COL21A1: variants seen among roughly 807,000 people sequenced by gnomAD.
The protein encoded by COL21A1 is collagen type XXI alpha 1 chain, also known as collagen alpha-1(XXI) chain.
A neutral mutation model predicts 137.9 loss-of-function variants in COL21A1; 149 were observed. The observed-to-expected ratio is 1.08, with a 90% CI of 0.95 to 1.24. The LOEUF is 1.24. Among genes scored for constraint, COL21A1 ranks in the 50% most tolerant of loss-of-function variants. The pLI is 0.00. For missense variants in COL21A1, 1,167 were observed against 1,158.4 expected, an observed-to-expected ratio of 1.01 and a Z score of -0.11; for synonymous variants, 456 against 391.5, an observed-to-expected ratio of 1.16 and a Z score of -1.95.
intron 16 of COL21A1, among the ~76,000 whole-genome samples, chr6:56,108,483 A>G (rs1416854910): frequency 6.6e-6 from 1 of 152,006 alleles, no homozygotes; most frequent in Non-Finnish European, 1.5e-5. Flanking sequence ...GGTAAAATTC[A>G]AGTGAAAAAT....
chr6:56,160,181 A>T (rs1295168463), intron 9 of COL21A1, among the ~76,000 whole-genome samples: 2 of 152,246 alleles, frequency 1.3e-5, no homozygotes, highest in African/African-American at 2.4e-5. Context: ...CTGGAGAGAA[A>T]GCCAATTTTA....
intron 16 of COL21A1, among the ~76,000 whole-genome samples, chr6:56,121,514 A>ATATTCATATGTG (rs1561886819): frequency 1.4e-5 from 2 of 142,134 alleles, no homozygotes; most frequent in African/African-American, 2.6e-5. Flanking sequence ...TCATATGTGT[A>ATATTCATATGTG]TATATATATA....
chr6:56,353,132 G>A lies in COL21A1; in HGVS notation c.-39+40839C>T, dbSNP rs186116221. ...AATTATTTGGAATTTATCCCATCAT[G>A]AAGTGGAGTTCAATTTTGCTCCCTA... On this transcript the variant is annotated intron_variant, in intron 1 of 28. Transcript: ENST00000370819. Among the ~76,000 whole-genome samples the A allele has an allele frequency of 2.0e-5, 3 of 152,320 alleles. No homozygotes were observed. In the East Asian group the frequency reaches 5.8e-4, roughly 29 times the overall value.
intron 1 of COL21A1, among the ~76,000 whole-genome samples, chr6:56,275,968 A>G (rs1021230599): frequency 1.3e-5 from 2 of 152,248 alleles, no homozygotes; most frequent in Non-Finnish European, 2.9e-5. Flanking sequence ...ACATGGAATC[A>G]ATCTAGTGCC....
chr6:56,379,606 C>T (rs2094005445), intron 1 of COL21A1, among the ~76,000 whole-genome samples: 1 of 152,148 alleles, frequency 6.6e-6, no homozygotes, highest in African/African-American at 2.4e-5. Flanking sequence ...TGCCTAGAAA[C>T]ATATGTACAT....
At chr6:56,312,847 C>T (rs1169962654) in intron 1 of COL21A1, among the ~76,000 whole-genome samples, 1 of 151,734 alleles carries the variant, frequency 6.6e-6, no homozygotes, top group Non-Finnish European at 1.5e-5. Flanking sequence ...GAAATGGTGC[C>T]CTTGAGGGGA....
intron 12 of COL21A1, among the ~76,000 whole-genome samples, chr6:56,137,685 AT>A (rs1245868502): frequency 2.0e-5 from 3 of 152,332 alleles, no homozygotes; most frequent in Middle Eastern, 6.8e-3. Flanking sequence ...AATATAAAGC[AT>A]TCTAAAAAAT....
At chr6:56,119,037 T>A (rs1220826628) in intron 16 of COL21A1, among the ~76,000 whole-genome samples, 1 of 152,064 alleles carries the variant, frequency 6.6e-6, no homozygotes, top group Non-Finnish European at 1.5e-5. Flanking sequence ...GGGTGTCCAC[T>A]GTCACCACTC....
intron 1 of COL21A1, among the ~76,000 whole-genome samples, chr6:56,253,455 T>A (rs1446281382): frequency 2.0e-5 from 3 of 152,180 alleles, no homozygotes; most frequent in Non-Finnish European, 4.4e-5. Context: ...CCAAGTACCA[T>A]GTAAGCCTAG....
At chr6:56,095,321 G>GTCA (rs1769218648) in intron 17 of COL21A1, among the ~76,000 whole-genome samples, 2 of 152,058 alleles carry the variant, frequency 1.3e-5, no homozygotes, top group Non-Finnish European at 2.9e-5. Context: ...CTTTTGAAGA[G>GTCA]TCATCTCTTA....
intron 1 of COL21A1, among the ~76,000 whole-genome samples, chr6:56,343,882 G>A (rs1037503032): frequency 1.3e-5 from 2 of 152,190 alleles, no homozygotes; most frequent in Admixed American, 6.5e-5. Context: ...GGAGGTCAAG[G>A]CTGTAGTGAG....
intron 5 of COL21A1, 94 bp downstream of exon 5, chr6:56,170,555 T>A: frequency 9.0e-6 from 7 of 775,218 alleles, no homozygotes; most frequent in Non-Finnish European, 1.4e-5. Flanking sequence ...TCCAATCATG[T>A]TAAAATTATA....
intron 1 of COL21A1, among the ~76,000 whole-genome samples, chr6:56,347,899 AAGTATTATAAGT>A (rs1416481717): frequency 5.3e-5 from 8 of 152,216 alleles, no homozygotes; most frequent in African/African-American, 1.9e-4. Context: ...GGTAGCTGAG[AAGTATTATAAGT>A]TAAAGAAATT....
At chr6:56,306,618 A>G (rs990661446) in intron 1 of COL21A1, among the ~76,000 whole-genome samples, 3 of 151,952 alleles carry the variant, frequency 2.0e-5, no homozygotes, top group African/African-American at 7.3e-5. Context: ...TGATTATTCT[A>G]GTTAGCCATT....
chr6:56,339,368 T>C (rs1765414310), intron 1 of COL21A1, among the ~76,000 whole-genome samples: 1 of 86,638 alleles, frequency 1.2e-5, no homozygotes, highest in Non-Finnish European at 2.5e-5. Flanking sequence ...CCTCCTACAG[T>C]GTCTGAAAGT....
In COL21A1 at chr6:56,170,719, A is replaced by AT. The variant is rs1776968353; in HGVS notation, c.955dup (p.Ile319AsnfsTer11). 1 of 1,607,420 alleles carries AT rather than the reference A, an allele frequency of 6.2e-7. No individual in the cohort carries two copies. Among genetic ancestry groups the AT allele is most frequent in the South Asian group, 1.1e-5 (1 of 90,210 alleles). On this transcript the variant is annotated frameshift_variant, in exon 5 of 30. Transcript: ENST00000244728. LOFTEE classifies it high-confidence loss of function. ...TACGCTGGTTGTTGTAAATAATAAG[A>AT]TTTTGTCCACACCATTTAAGGTAAC...
chr6:56,328,140 G>A (rs1765138420), intron 1 of COL21A1, among the ~76,000 whole-genome samples: 1 of 151,992 alleles, frequency 6.6e-6, no homozygotes, highest in Admixed American at 6.6e-5. Flanking sequence ...TTAATTATGT[G>A]AGTCAAAATA....
chr6:56,143,159 A>G (rs1268501140), intron 10 of COL21A1, among the ~76,000 whole-genome samples: 1 of 149,158 alleles, frequency 6.7e-6, no homozygotes, highest in Non-Finnish European at 1.5e-5. Flanking sequence ...TTGCCTTCTC[A>G]GTTACTTATA....
chr6:56,070,780 C>T lies in COL21A1; in HGVS notation c.1984G>A (p.Gly662Arg). 6.3e-7 allele frequency: 1 copy of T among 1,591,728 alleles called. No individual in the cohort carries two copies. Among genetic ancestry groups the T allele is most frequent in the Non-Finnish European group, 8.5e-7 (1 of 1,172,850 alleles). ...GAAGCCCCAGGCATCCCTTGAATTCCAGGTTCACCTTTGCTTCCCTGTCAA... is the reference window on the plus strand; with the variant it reads ...GAAGCCCCAGGCATCCCTTGAATTCTAGGTTCACCTTTGCTTCCCTGTCAA... Reference protein sequence around the residue: ...PGSKGSKGEPGIQGMPGASGL... With the variant: ...PGSKGSKGEPRIQGMPGASGL... The change falls in exon 21 of 30, where the codon GGA becomes AGA. Residue 662 changes from glycine to arginine, a missense_variant. Gly to Arg is a moderately radical substitution (Grantham distance 125, BLOSUM62 -2). Transcript: ENST00000244728.
Sources: allele counts gnomAD v4.1 joint callset (sites outside exome capture counted in the v4.1 genomes callset), GRCh38; gene constraint gnomAD v4.1.1; transcripts MANE v1.5; gene names NCBI Gene and HGNC (gene_info 2026-07-23, HGNC 2026-07-21).